The following POLR3A variants were observed in gnomAD, a reference collection of about 807,000 sequenced individuals.
The protein encoded by POLR3A is RNA polymerase III subunit A, also known as DNA-directed RNA polymerase III subunit RPC1.
A neutral mutation model predicts 152.8 loss-of-function variants in POLR3A; 112 were observed. That is an observed-to-expected ratio of 0.73 (90% confidence interval 0.63 to 0.86). The LOEUF is 0.86. Ranked by LOEUF, POLR3A falls within the 40% of genes least tolerant of loss-of-function variation. The pLI is 0.00. For missense variants in POLR3A, 1,385 were observed against 1,743.1 expected (o/e 0.79, Z 3.66); for synonymous variants, 615 against 652.1 (o/e 0.94, Z 0.87).
chr10:78,012,731 T>C (rs554255828), intron 11 of POLR3A, among the ~76,000 whole-genome samples: 5 of 151,430 alleles, frequency 3.3e-5, no homozygotes, highest in African/African-American at 9.7e-5. Context: ...TTTTTTTTTT[T>C]CTTCTTTTGA....
At chr10:78,017,997 G>C (rs1270542621) in intron 9 of POLR3A, among the ~76,000 whole-genome samples, 1 of 151,336 alleles carries the variant, frequency 6.6e-6, no homozygotes, top group Non-Finnish European at 1.5e-5. Context: ...AACATGGTGA[G>C]ACCTTGTCTC....
intron 2 of POLR3A, 107 bp downstream of exon 2, chr10:78,025,987 G>T: frequency 7.2e-7 from 1 of 1,392,162 alleles, no homozygotes; most frequent in Non-Finnish European, 1.0e-6. Context: ...ATGTGCAGGG[G>T]GGAATTGAGG....
chr10:77,982,642 T>G lies in POLR3A; in HGVS notation c.3594+11A>C, dbSNP rs10509396. The G allele has an allele frequency of 0.012, 19,892 of 1,612,100 alleles. 2,024 individuals are homozygous for G. The African/African-American group carries it at 0.22, about 18-fold the overall frequency. On this transcript the variant is annotated intron_variant, in intron 27 of 30. Transcript: ENST00000372371. ...ATGCTGGGTCTCCATGAGAAGCGACTTCTGTTTCACCTTGGGGAGATCCTC... is the reference window on the plus strand; with the variant it reads ...ATGCTGGGTCTCCATGAGAAGCGACGTCTGTTTCACCTTGGGGAGATCCTC...
intron 1 of POLR3A, among the ~76,000 whole-genome samples, chr10:78,026,872 C>A (rs1348788138): frequency 6.6e-6 from 1 of 152,190 alleles, no homozygotes; most frequent in African/African-American, 2.4e-5. Flanking sequence ...CTTCAAACCC[C>A]ACACATTGAA....
chr10:77,997,358 G>A (rs1391295305), intron 19 of POLR3A, among the ~76,000 whole-genome samples: 1 of 152,124 alleles, frequency 6.6e-6, no homozygotes, highest in Non-Finnish European at 1.5e-5. Flanking sequence ...AGGAAAAGAG[G>A]AAGTCAAATT....
intron 16 of POLR3A, among the ~76,000 whole-genome samples, chr10:78,003,885 C>T (rs1334867700): frequency 6.6e-6 from 1 of 151,854 alleles, no homozygotes; most frequent in East Asian, 1.9e-4. Context: ...GATGAGATTG[C>T]ACCACTGCAC....
rs572567305 is a variant in POLR3A at position 77,996,574 on chromosome 10, A to C, written c.2617-3207T>G. 2.4e-3 allele frequency among the ~76,000 whole-genome samples: 364 copies of C among 152,214 alleles called. 1 individual carries two copies. The highest frequency in any genetic ancestry group is 5.6e-3 in the African/African-American group (233 of 41,550). Reference sequence around the variant, plus strand: ...CTAGAAAATCTAGAAGAAATGGATAAATTCCTCGACACATACATCCTCCCA... The same window carrying C: ...CTAGAAAATCTAGAAGAAATGGATACATTCCTCGACACATACATCCTCCCA... On this transcript the variant is annotated intron_variant, in intron 19 of 30. Transcript: ENST00000372371.
chr10:78,025,004 T>C lies in POLR3A; in HGVS notation c.457A>G (p.Lys153Glu), dbSNP rs1372636668. Reference protein sequence around the residue: ...KKKISDKCRKKNICHHCGAFN... With the variant: ...KKKISDKCRKENICHHCGAFN... ...GCGCCACAGTGATGGCAGATGTTTT[T>C]CTTCCGGCACTTGTCAGAGATTTTC... The change falls in exon 4 of 31, where the codon AAA (lysine) becomes GAA (glutamate). Residue 153 changes from lysine to glutamate, a missense_variant. Physicochemically the swap from Lys to Glu is moderately conservative, Grantham distance 56. This residue lies in a region of POLR3A where 493 missense variants were observed against 647.5 expected (regional missense o/e 0.76). Transcript: ENST00000372371. The C allele has an allele frequency of 1.9e-6, 3 of 1,614,122 alleles. No individual in the cohort carries two copies. Among genetic ancestry groups the C allele is most frequent in the Non-Finnish European group, 2.5e-6 (3 of 1,180,058 alleles).
chr10:78,001,300 A>G (rs1847355156), intron 17 of POLR3A, among the ~76,000 whole-genome samples: 1 of 152,158 alleles, frequency 6.6e-6, no homozygotes, highest in Non-Finnish European at 1.5e-5. Context: ...AGGAGCCAGG[A>G]GCATGTGTGG....
chr10:77,992,331 G>T (rs1047635968), intron 20 of POLR3A, among the ~76,000 whole-genome samples: 1 of 150,500 alleles, frequency 6.6e-6, no homozygotes, highest in Non-Finnish European at 1.5e-5. Flanking sequence ...GAATGTAGTG[G>T]TAAGATCAGC....
intron 26 of POLR3A, among the ~76,000 whole-genome samples, chr10:77,983,334 C>T (rs561652095): frequency 6.6e-6 from 1 of 152,278 alleles, no homozygotes; most frequent in African/African-American, 2.4e-5. Context: ...GAACTTGATG[C>T]GTGAGAGAAC....
intron 15 of POLR3A, 35 bp downstream of exon 15, chr10:78,007,667 A>C (rs1453249254): frequency 6.3e-7 from 1 of 1,591,532 alleles, no homozygotes; most frequent in Non-Finnish European, 8.6e-7. Context: ...TAACAATTGC[A>C]GCTTTAACTA....
In POLR3A at chr10:78,010,457, C is replaced by T; in HGVS notation, c.1642+14G>A. 6.3e-7 allele frequency: 1 copy of T among 1,599,856 alleles called. No homozygotes were observed. Among genetic ancestry groups the T allele is most frequent in the Non-Finnish European group, 8.6e-7 (1 of 1,166,966 alleles). ...AGTCAGAAATCTCCTTTCAAGTGAACTTCACCAACCTACCTGTTAGAAAAT... is the reference window on the plus strand; with the variant it reads ...AGTCAGAAATCTCCTTTCAAGTGAATTTCACCAACCTACCTGTTAGAAAAT... On this transcript the variant is annotated intron_variant, in intron 12 of 30. Transcript: ENST00000372371.
At chr10:78,017,864 G>A in intron 9 of POLR3A, 148 bp from the exon 10 acceptor site, 2 of 930,436 alleles carry the variant, frequency 2.1e-6, no homozygotes, top group South Asian at 2.9e-5. Context: ...TATGTGCCAA[G>A]AAAAAAGCTC....
rs1159787310 is a variant in POLR3A at position 77,986,065 on chromosome 10, GA to G, written c.2988+7del. The G allele has an allele frequency of 6.3e-7, 1 of 1,583,824 alleles. No individual in the cohort carries two copies. The highest frequency in any genetic ancestry group is 8.7e-7 in the Non-Finnish European group (1 of 1,152,558). ...TCGGGGTTCTAACGCGTCTTGGAGG[GA>G]TATTACCTCTGTTGTGCCGTTATCA... On this transcript the variant is annotated splice_region_variant and intron_variant, in intron 22 of 30. Coordinates refer to ENST00000372371, the MANE Select transcript of POLR3A (RefSeq NM_007055.4).
rs778888693 is a variant in POLR3A at position 77,981,522 on chromosome 10, G to A, written c.3797C>T (p.Thr1266Met). The change falls in exon 29 of 31, where the codon ACG (threonine) becomes ATG (methionine). Residue 1266 changes from threonine to methionine, a missense_variant. Coordinates refer to ENST00000372371, the MANE Select transcript of POLR3A (RefSeq NM_007055.4). The part of the protein sequence containing the change: ...KTLGIEAART[T>M]IINEIQYTMV... Reference sequence around the variant, plus strand: ...GGTGTACTGGATTTCATTGATGATCGTTGTCCGGGCGGCCTCGATGCCCAG... The same window carrying A: ...GGTGTACTGGATTTCATTGATGATCATTGTCCGGGCGGCCTCGATGCCCAG... The A allele has an allele frequency of 2.9e-5, 47 of 1,613,772 alleles. No individual in the cohort carries two copies. The highest frequency in any genetic ancestry group is 6.7e-5 in the East Asian group (3 of 44,864).
At chr10:78,024,005 G>C (rs1033329212) in intron 5 of POLR3A, among the ~76,000 whole-genome samples, 1 of 149,218 alleles carries the variant, frequency 6.7e-6, no homozygotes, top group Non-Finnish European at 1.5e-5. Context: ...AAAACAACTG[G>C]TGTTACAAGG....
intron 30 of POLR3A, among the ~76,000 whole-genome samples, chr10:77,979,219 A>G (rs1267522565): frequency 6.6e-6 from 1 of 152,160 alleles, no homozygotes; most frequent in Non-Finnish European, 1.5e-5. Flanking sequence ...ATGGGTATAT[A>G]CTCTAATGAT....
chr10:78,007,182 G>A (rs1847419867), intron 15 of POLR3A, among the ~76,000 whole-genome samples: 1 of 152,130 alleles, frequency 6.6e-6, no homozygotes, highest in Non-Finnish European at 1.5e-5. Context: ...AAAATTCTGA[G>A]GGAAAATAAT....
Sources: gnomAD v4.1 joint callset for allele counts (sites outside exome capture counted in the v4.1 genomes callset) on GRCh38, gnomAD v4.1.1 for gene constraint, gnomAD v4.1.1 regional missense constraint, MANE v1.5 for transcripts, NCBI Gene and HGNC (gene_info 2026-07-23, HGNC 2026-07-21) for gene names.